Variants in ASCC2 observed in about 807,000 individuals in gnomAD.
The protein encoded by ASCC2 is activating signal cointegrator 1 complex subunit 2, also known as ASC-1 complex subunit P100.
In ASCC2, 42 loss-of-function variants were observed where a neutral mutation model predicts 93.5. The observed-to-expected ratio is 0.45, with a 90% CI of 0.35 to 0.58. The LOEUF is 0.58. Among genes scored for constraint, ASCC2 ranks in the 20% least tolerant of loss-of-function variants. ASCC2 has a pLI of 0.00. For missense variants in ASCC2, 859 were observed against 977.6 expected (o/e 0.88, Z 1.62); for synonymous variants, 364 against 384.2 (o/e 0.95, Z 0.62).
intron 5 of ASCC2, among the ~76,000 whole-genome samples, chr22:29,820,983 CT>C (rs2061488798): frequency 6.7e-6 from 1 of 149,282 alleles, no homozygotes; most frequent in South Asian, 2.1e-4. Flanking sequence ...AGTTTTGTAA[CT>C]AGGTATTTCG....
chr22:29,827,479 G>A (rs953569486), intron 2 of ASCC2: 3 of 430,004 alleles, frequency 7.0e-6, no homozygotes, highest in South Asian at 1.7e-5. Flanking sequence ...TGCCTTACGC[G>A]AGTTTCCAAA....
chr22:29,825,453 A>G lies in ASCC2; in HGVS notation c.240+169T>C. 1 of 1,164,446 alleles carries G rather than the reference A, an allele frequency of 8.6e-7. No individual in the cohort carries two copies. The highest frequency in any genetic ancestry group is 2.0e-4 in the Middle Eastern group (1 of 4,992). The allele number at this position is 1,164,446 out of a possible 1,614,324, so 72.1% of individuals were successfully genotyped here. ...TTGACACTTTGAAAGGTGTGTAAAC[A>G]TTAAGATTGTGATACAAGACAGAGC... is the stretch of plus-strand genomic sequence containing the variant. On this transcript the variant is annotated intron_variant, in intron 3 of 19. Transcript: ENST00000307790. The surrounding 1 kb of genome is among the most constrained non-coding windows in gnomAD (Gnocchi z 4.9).
intron 17 of ASCC2, among the ~76,000 whole-genome samples, chr22:29,792,756 A>C (rs1027112074): frequency 6.6e-6 from 1 of 152,154 alleles, no homozygotes; most frequent in Non-Finnish European, 1.5e-5. Flanking sequence ...TGGGGCCGGG[A>C]GAGTCTCCAG....
rs67064044 is a variant in ASCC2 at position 29,802,492 on chromosome 22, CAAAAA to C, written c.1354-289_1354-285del. Among the ~76,000 whole-genome samples the C allele has an allele frequency of 0.012, 1,693 of 146,712 alleles. 52 individuals carry two copies. In the East Asian group the frequency reaches 0.12, roughly 10 times the overall value. ...CCTACTACATATCCAGGAAAATAAA[CAAAAA>C]AAAAAAATAAAAAAAATTTAAGGCC... On this transcript the variant is annotated intron_variant, in intron 13 of 19. Transcript: ENST00000307790.
At chr22:29,815,746 A>T (rs934157420) in intron 6 of ASCC2, among the ~76,000 whole-genome samples, 1 of 152,268 alleles carries the variant, frequency 6.6e-6, no homozygotes, top group Non-Finnish European at 1.5e-5. Context: ...GTTGGCAAGC[A>T]ACAAAAAATG....
intron 2 of ASCC2, among the ~76,000 whole-genome samples, chr22:29,827,275 T>C (rs1226592060): frequency 6.6e-6 from 1 of 151,996 alleles, no homozygotes. Context: ...AAAGAGGAGA[T>C]GGGCTCAGTT....
At chr22:29,822,716 CTTTTT>C (rs748997801) in intron 4 of ASCC2, among the ~76,000 whole-genome samples, 3 of 93,024 alleles carry the variant, frequency 3.2e-5, no homozygotes, top group Non-Finnish European at 6.4e-5. Flanking sequence ...ATTATCATGT[CTTTTT>C]TTTTTTTTTT....
At chr22:29,812,443 C>A (rs1816084358) in intron 8 of ASCC2, among the ~76,000 whole-genome samples, 1 of 152,212 alleles carries the variant, frequency 6.6e-6, no homozygotes, top group African/African-American at 2.4e-5. Context: ...CTCCCTGGCT[C>A]ATATTCTCTT....
intron 2 of ASCC2, among the ~76,000 whole-genome samples, chr22:29,827,159 CTTTTTT>C (rs1003897929): frequency 6.9e-6 from 1 of 145,320 alleles, no homozygotes; most frequent in African/African-American, 2.7e-5. Context: ...CTGTTCTTTC[CTTTTTT>C]TTTGTTTTTT....
Position 29,821,839 on chromosome 22 carries a change from T to A in ASCC2, c.541+496A>T, listed in dbSNP as rs546634295. ...GTGAGACCCCATCTACTAAAAAAAA[T>A]TTTTTTTTAATTCGCCAGGCATGGT... is the stretch of plus-strand genomic sequence containing the variant. On this transcript the variant is annotated intron_variant, in intron 5 of 19. Coordinates refer to ENST00000307790, the MANE Select transcript of ASCC2 (RefSeq NM_032204.5). The A allele has an allele frequency of 5.9e-3, 2,069 of 350,600 alleles. 53 individuals are homozygous for A. Among genetic ancestry groups the A allele is most frequent in the South Asian group, 0.042 (2,018 of 48,470 alleles). The allele number at this position is 350,600 out of a possible 1,614,324, so 21.7% of individuals were successfully genotyped here.
chr22:29,836,913 G>A (rs58015017), intron 1 of ASCC2, among the ~76,000 whole-genome samples: 18,658 of 152,132 alleles, frequency 0.12, 1,825 homozygotes, highest in African/African-American at 0.27. Flanking sequence ...TATTAAGGTG[G>A]GCAAATAACA....
intron 19 of ASCC2, among the ~76,000 whole-genome samples, chr22:29,789,807 T>C (rs572685663): frequency 6.6e-6 from 1 of 152,344 alleles, no homozygotes; most frequent in African/African-American, 2.4e-5. Context: ...GCATGAAGCC[T>C]AGGGCCGGGA....
In ASCC2 at chr22:29,806,828, G is replaced by T; in HGVS notation, c.985C>A (p.Gln329Lys). Residue 329 changes from glutamine to lysine, a missense_variant, in exon 10 of 20, where the codon CAG (glutamine) becomes AAG (lysine). Coordinates refer to ENST00000307790, the MANE Select transcript of ASCC2 (RefSeq NM_032204.5). Reference sequence around the variant, plus strand: ...TCTAGGATGGGAAGGAGGCAGATCTGGTTCAGGATGATGTGGAAAATCTCC... The same window carrying T: ...TCTAGGATGGGAAGGAGGCAGATCTTGTTCAGGATGATGTGGAAAATCTCC... ...LMEIFHIILN[Q>K]ICLLPILESS... The T allele has an allele frequency of 1.2e-6, 2 of 1,613,838 alleles. No individual in the cohort carries two copies. Among genetic ancestry groups the T allele is most frequent in the South Asian group, 1.1e-5 (1 of 91,074 alleles).
chr22:29,808,078 A>C (rs2059890202), intron 9 of ASCC2, 33 bp downstream of exon 9: 7 of 1,611,444 alleles, frequency 4.3e-6, no homozygotes, highest in Non-Finnish European at 5.9e-6. Flanking sequence ...TCTCTGTCCC[A>C]CAACAACATT....
Position 29,825,906 on chromosome 22 carries a change from A to G in ASCC2, c.82-126T>C. The stretch of plus-strand genomic sequence containing the variant: ...GACCCTCCAAGGAGCTTTTAAGCAT[A>G]AAGAACCAAGTGTATCTAACAAAGA... On this transcript the variant is annotated intron_variant, in intron 2 of 19. Coordinates refer to ENST00000307790, the MANE Select transcript of ASCC2 (RefSeq NM_032204.5). The surrounding 1 kb of genome is among the most constrained non-coding windows in gnomAD (Gnocchi z 4.9). 1 of 1,120,008 alleles carries G rather than the reference A, an allele frequency of 8.9e-7. No homozygotes were observed. The highest frequency in any genetic ancestry group is 1.3e-6 in the Non-Finnish European group (1 of 777,992). The allele number at this position is 1,120,008 out of a possible 1,614,324, so 69.4% of individuals were successfully genotyped here.
At chr22:29,812,286 C>T (rs1602012879) in intron 8 of ASCC2, among the ~76,000 whole-genome samples, 1 of 152,168 alleles carries the variant, frequency 6.6e-6, no homozygotes, top group Non-Finnish European at 1.5e-5. Context: ...CAATCAGAGG[C>T]CACTAGGAAG....
chr22:29,806,678 C>T, intron 10 of ASCC2, 119 bp downstream of exon 10: 2 of 1,423,252 alleles, frequency 1.4e-6, no homozygotes, highest in Non-Finnish European at 2.0e-6. Flanking sequence ...TTCTTGGTTT[C>T]TCATCTCTGT....
At chr22:29,836,481 C>T (rs1025814029) in intron 1 of ASCC2, 4 of 151,296 alleles carry the variant, frequency 2.6e-5, no homozygotes, top group Admixed American at 2.6e-4. Flanking sequence ...CAGACATGAC[C>T]AGAAAGAGAT....
chr22:29,802,063 T>C lies in ASCC2; in HGVS notation c.1499A>G (p.Gln500Arg). The C allele has an allele frequency of 6.2e-7, 1 of 1,614,030 alleles. No homozygotes were observed. Among genetic ancestry groups the C allele is most frequent in the Non-Finnish European group, 8.5e-7 (1 of 1,179,974 alleles). ...CLEYYHYDPE[Q>R]VINNILEERL... ...CTCCTCCAGGATATTGTTGATCACC[T>C]GCTCTGGGTCGTAGTGGTAGTACTC... Residue 500 changes from glutamine to arginine, a missense_variant, in exon 14 of 20, where the codon CAG becomes CGG. Physicochemically the swap from Gln to Arg is conservative, Grantham distance 43 (BLOSUM62 1). Coordinates refer to ENST00000307790, the MANE Select transcript of ASCC2 (RefSeq NM_032204.5).
Sources: gnomAD v4.1 joint callset for allele counts (sites outside exome capture counted in the v4.1 genomes callset) on GRCh38, gnomAD v4.1.1 for gene constraint, Gnocchi (gnomAD v3.1) non-coding constraint, MANE v1.5 for transcripts, NCBI Gene and HGNC (gene_info 2026-07-23, HGNC 2026-07-21) for gene names.